The following UBE2B variants were observed in gnomAD, a reference collection of about 807,000 sequenced individuals.
The protein encoded by UBE2B is ubiquitin conjugating enzyme E2 B.
In UBE2B, 11 loss-of-function variants were observed where a neutral mutation model predicts 24.6. The observed-to-expected ratio is 0.45, with a 90% CI of 0.28 to 0.74. The LOEUF (loss-of-function observed/expected upper bound fraction) is 0.74. Among genes scored for constraint, UBE2B ranks in the 30% least tolerant of loss-of-function variants. The probability of loss-of-function intolerance (pLI) is 0.13; values close to 1 mark genes in which losing one functional copy is unlikely to be tolerated. For missense variants in UBE2B, 78 were observed against 185.6 expected (o/e 0.42, Z 3.37); for synonymous variants, 68 against 62.4 (o/e 1.09, Z -0.42).
In UBE2B at chr5:134,376,729, T is replaced by A; in HGVS notation, c.151+35T>A. The stretch of plus-strand genomic sequence containing the variant: ...ACTCATTATGTTTTCTATAGTGTTA[T>A]GAGGTTACTTTTTAGTAGAAAATTG... On this transcript the variant is annotated intron_variant, in intron 3 of 5. Coordinates refer to ENST00000265339, the MANE Select transcript of UBE2B (RefSeq NM_003337.4). 6 of 1,577,860 alleles carry A rather than the reference T, an allele frequency of 3.8e-6. No homozygotes were observed. The South Asian group carries it at 6.0e-5, about 16-fold the overall frequency.
chr5:134,376,615 C>T, intron 2 of UBE2B, 54 bp from the exon 3 acceptor site: 1 of 1,585,138 alleles, frequency 6.3e-7, no homozygotes, highest in South Asian at 1.1e-5. Context: ...TCTTGAAAAT[C>T]AAGAAAAAGC....
chr5:134,374,345 A>C (rs1758562198), intron 1 of UBE2B, 38 bp from the exon 2 acceptor site: 1 of 1,548,898 alleles, frequency 6.5e-7, no homozygotes, highest in Non-Finnish European at 8.7e-7. Context: ...TAGTGGCCTT[A>C]ATGTTCAACT....
Position 134,390,103 on chromosome 5 carries a change from CAT to C in UBE2B, c.331-121_331-120del. 2 of 1,196,850 alleles carry C rather than the reference CAT, an allele frequency of 1.7e-6. No homozygotes were observed. Among genetic ancestry groups the C allele is most frequent in the Non-Finnish European group, 2.4e-6 (2 of 832,766 alleles). 74.1% of individuals were successfully genotyped at this position (1,196,850 alleles called of 1,614,324 possible). The stretch of plus-strand genomic sequence containing the variant: ...AGTATTTAGACCCAAAATTATATGA[CAT>C]GTTAATCTCTGAAGTAATTTGTTGT... On this transcript the variant is annotated intron_variant, in intron 5 of 5. Transcript: ENST00000265339. This position sits in a 1 kb window ranked among gnomAD's most constrained non-coding sequence, Gnocchi z 4.6.
chr5:134,387,275 G>A (rs1758822679), intron 4 of UBE2B, among the ~76,000 whole-genome samples: 1 of 152,004 alleles, frequency 6.6e-6, no homozygotes, highest in East Asian at 1.9e-4. Flanking sequence ...CTTATAAGTA[G>A]TATTATAGTG....
chr5:134,379,643 C>CAAAAAAA (rs374868073), intron 3 of UBE2B, among the ~76,000 whole-genome samples: 1 of 92,246 alleles, frequency 1.1e-5, no homozygotes. Flanking sequence ...GACTCTGTCT[C>CAAAAAAA]AACAAAAAAA....
intron 1 of UBE2B, among the ~76,000 whole-genome samples, chr5:134,373,092 C>G (rs991675889): frequency 6.6e-6 from 1 of 152,078 alleles, no homozygotes; most frequent in Non-Finnish European, 1.5e-5. Flanking sequence ...TTGACTATGA[C>G]GAATGTTGGA....
chr5:134,375,696 G>A (rs1417954254), intron 2 of UBE2B, among the ~76,000 whole-genome samples: 1 of 151,608 alleles, frequency 6.6e-6, no homozygotes, highest in Non-Finnish European at 1.5e-5. Flanking sequence ...CTACTCGGGA[G>A]GCTGAGGCAG....
chr5:134,377,355 C>T (rs888398204), intron 3 of UBE2B, among the ~76,000 whole-genome samples: 8 of 151,976 alleles, frequency 5.3e-5, no homozygotes, highest in African/African-American at 1.5e-4. Context: ...AATATTTATC[C>T]GAGAATACTG....
chr5:134,378,841 A>G (rs1034665417), intron 3 of UBE2B, among the ~76,000 whole-genome samples: 2 of 150,108 alleles, frequency 1.3e-5, no homozygotes, highest in Admixed American at 6.7e-5. Flanking sequence ...AGGCAGGAGA[A>G]TTGCTTGAAC....
intron 3 of UBE2B, among the ~76,000 whole-genome samples, chr5:134,377,614 G>T (rs58042391): frequency 0.14 from 20,489 of 149,152 alleles, 1,657 homozygotes; most frequent in African/African-American, 0.23. Context: ...GATTATCTGT[G>T]GGGGGGGTAA....
At position 134,390,998 on chromosome 5, in the gene UBE2B, ACT is replaced by A. The variant is rs1758889394; in HGVS notation, c.*648_*649del. ...AGTAATTCTAGACATAACTGGTTTG[ACT>A]CTGTCCAACTCTGTATTTAGGCCAT... On this transcript the variant is annotated 3_prime_UTR_variant, in exon 6 of 6. Coordinates refer to ENST00000265339, the MANE Select transcript of UBE2B (RefSeq NM_003337.4). The surrounding 1 kb of genome is among the most constrained non-coding windows in gnomAD (Gnocchi z 4.6). The A allele has an allele frequency of 6.5e-6, 1 of 153,230 alleles. No homozygotes were observed. The highest frequency in any genetic ancestry group is 1.5e-5 in the Non-Finnish European group (1 of 68,516). 9.5% of individuals were successfully genotyped at this position (153,230 alleles called of 1,614,324 possible).
At chr5:134,388,960 T>G (rs796229996) in intron 5 of UBE2B, 2 of 360,784 alleles carry the variant, frequency 5.5e-6, no homozygotes, top group African/African-American at 4.7e-5. Context: ...TTTTTTTTTT[T>G]TTTTTTTTTG....
At chr5:134,380,199 C>T (rs148643012) in intron 3 of UBE2B, among the ~76,000 whole-genome samples, 1 of 152,284 alleles carries the variant, frequency 6.6e-6, no homozygotes, top group African/African-American at 2.4e-5. Flanking sequence ...GCGTGAGCCA[C>T]CCCACCTGGC....
At chr5:134,388,197 T>C in intron 4 of UBE2B, 128 bp from the exon 5 acceptor site, 1 of 743,958 alleles carries the variant, frequency 1.3e-6, no homozygotes, top group South Asian at 1.6e-5. Flanking sequence ...GGTTATCCTG[T>C]GATACAGAAG....
At chr5:134,378,875 G>A (rs35013287) in intron 3 of UBE2B, among the ~76,000 whole-genome samples, 3,610 of 148,160 alleles carry the variant, frequency 0.024, 89 homozygotes, top group African/African-American at 0.064. Context: ...GTTGCAGTGC[G>A]CCAAGATCGC....
chr5:134,377,210 G>A (rs1758624216), intron 3 of UBE2B, among the ~76,000 whole-genome samples: 3 of 152,110 alleles, frequency 2.0e-5, no homozygotes, highest in African/African-American at 4.8e-5. Context: ...TTCTAATACC[G>A]AATTTATAAT....
intron 4 of UBE2B, among the ~76,000 whole-genome samples, chr5:134,383,723 A>AG (rs1561681962): frequency 6.6e-6 from 1 of 151,966 alleles, no homozygotes; most frequent in Non-Finnish European, 1.5e-5. Context: ...GGCCTCCCAA[A>AG]TGTTGGGATT....
chr5:134,384,824 A>G (rs1348726442), intron 4 of UBE2B, among the ~76,000 whole-genome samples: 1 of 152,192 alleles, frequency 6.6e-6, no homozygotes, highest in Non-Finnish European at 1.5e-5. Flanking sequence ...CATAACTATT[A>G]TCTTAGCAGT....
intron 4 of UBE2B, 188 bp from the exon 5 acceptor site, chr5:134,388,137 A>C (rs1379747919): frequency 1.7e-6 from 1 of 596,876 alleles, no homozygotes; most frequent in Non-Finnish European, 3.0e-6. Flanking sequence ...ATTTGGAGGG[A>C]ACATTCAAAC....
Sources: gnomAD v4.1 joint callset for allele counts (sites outside exome capture counted in the v4.1 genomes callset) on GRCh38, gnomAD v4.1.1 for gene constraint, Gnocchi (gnomAD v3.1) non-coding constraint, MANE v1.5 for transcripts, NCBI Gene and HGNC (gene_info 2026-07-23, HGNC 2026-07-21) for gene names.